Variants in MACROD2 observed in about 807,000 individuals in gnomAD.
The protein encoded by MACROD2 is ADP-ribose glycohydrolase MACROD2.
In MACROD2, 36 loss-of-function variants were observed where a neutral mutation model predicts 70.4. That is an observed-to-expected ratio of 0.51 (90% CI 0.39 to 0.68). The LOEUF is 0.68. MACROD2 is among the 30% of genes least tolerant of loss of function. The pLI is 0.00. For synonymous variants in MACROD2, 172 were observed against 178.8 expected (o/e 0.96, Z 0.30); for missense variants, 496 against 538.4 (o/e 0.92, Z 0.78).
chr20:14,322,834 T>A (rs890090759), intron 3 of MACROD2, among the ~76,000 whole-genome samples: 2 of 152,112 alleles, frequency 1.3e-5, no homozygotes, highest in Non-Finnish European at 2.9e-5. Flanking sequence ...ATCGTGTCAT[T>A]TAATCCTCAC....
intron 8 of MACROD2, among the ~76,000 whole-genome samples, chr20:15,556,369 A>C (rs1045896403): frequency 1.3e-5 from 2 of 152,200 alleles, no homozygotes; most frequent in African/African-American, 4.8e-5. Flanking sequence ...CTCTTGATTT[A>C]TACTAAGACA....
At chr20:15,678,963 G>A (rs550530239) in intron 8 of MACROD2, among the ~76,000 whole-genome samples, 18 of 152,278 alleles carry the variant, frequency 1.2e-4, no homozygotes, top group Admixed American at 9.8e-4. Context: ...CAGGCTGGGT[G>A]CGGTGGCTCA....
chr20:15,378,073 T>C (rs1377076016), intron 6 of MACROD2, among the ~76,000 whole-genome samples: 3 of 151,690 alleles, frequency 2.0e-5, no homozygotes, highest in African/African-American at 7.3e-5. Context: ...CAAACCACCA[T>C]GGCACGTGTA....
chr20:15,502,731 T>A (rs2047379861), intron 8 of MACROD2, among the ~76,000 whole-genome samples: 1 of 152,122 alleles, frequency 6.6e-6, no homozygotes, highest in African/African-American at 2.4e-5. Flanking sequence ...CCAATAGGAC[T>A]AGAGGATTGT....
chr20:15,479,776 A>C (rs952922382), intron 7 of MACROD2, among the ~76,000 whole-genome samples: 1 of 152,098 alleles, frequency 6.6e-6, no homozygotes, highest in Non-Finnish European at 1.5e-5. Context: ...TTTATTTTTC[A>C]CACCAGCTGC....
chr20:14,327,231 G>A (rs1417023856), intron 3 of MACROD2: 3 of 1,613,680 alleles, frequency 1.9e-6, no homozygotes, highest in Admixed American at 3.3e-5. Flanking sequence ...CTAAACTGTT[G>A]TGGTATAGGT....
At chr20:14,541,777 A>G (rs2085436380) in intron 4 of MACROD2, among the ~76,000 whole-genome samples, 2 of 152,196 alleles carry the variant, frequency 1.3e-5, no homozygotes, top group South Asian at 4.1e-4. Flanking sequence ...TTTATCTGTT[A>G]TAATAGCATA....
intron 5 of MACROD2, among the ~76,000 whole-genome samples, chr20:15,090,485 T>G (rs1354728614): frequency 6.6e-6 from 1 of 152,050 alleles, no homozygotes; most frequent in African/African-American, 2.4e-5. Context: ...ACACTACAAA[T>G]CTAATTTCAT....
intron 5 of MACROD2, among the ~76,000 whole-genome samples, chr20:14,954,763 T>TATATAAATGTATAAATAAA (rs1267489369): frequency 2.1e-5 from 1 of 48,610 alleles, no homozygotes; most frequent in South Asian, 4.8e-4. Context: ...TATAAATAAA[T>TATATAAATGTATAAATAAA]TTTATATAAC....
intron 4 of MACROD2, among the ~76,000 whole-genome samples, chr20:14,680,294 T>G (rs954883436): frequency 6.6e-6 from 1 of 152,168 alleles, no homozygotes. Flanking sequence ...TGTAAATAAC[T>G]GAGAAAATAA....
At chr20:15,478,804 G>T (rs903679172) in intron 7 of MACROD2, among the ~76,000 whole-genome samples, 3 of 152,106 alleles carry the variant, frequency 2.0e-5, no homozygotes, top group Non-Finnish European at 4.4e-5. Context: ...GCTATTCCTT[G>T]GAAAGATTCA....
At chr20:15,891,938 G>A (rs768493770) in intron 10 of MACROD2, among the ~76,000 whole-genome samples, 1 of 152,172 alleles carries the variant, frequency 6.6e-6, no homozygotes, top group Non-Finnish European at 1.5e-5. Flanking sequence ...AAGGGACAAT[G>A]GGAAGGAGGT....
chr20:15,757,671 G>A (rs2051367775), intron 8 of MACROD2, among the ~76,000 whole-genome samples: 6 of 152,150 alleles, frequency 3.9e-5, no homozygotes, highest in Admixed American at 3.3e-4. Context: ...AGGCTGGGAA[G>A]TCCAAGAGCA....
intron 3 of MACROD2, among the ~76,000 whole-genome samples, chr20:14,151,982 C>T (rs544732328): frequency 5.3e-5 from 8 of 151,848 alleles, no homozygotes; most frequent in Non-Finnish European, 1.0e-4. Context: ...CCACCACGCC[C>T]GGCTAATATT....
intron 3 of MACROD2, among the ~76,000 whole-genome samples, chr20:14,345,851 C>T (rs540535261): frequency 2.0e-5 from 3 of 151,894 alleles, no homozygotes; most frequent in South Asian, 2.1e-4. Flanking sequence ...CCTGTTATCC[C>T]AGCACTTTGA....
intron 5 of MACROD2, among the ~76,000 whole-genome samples, chr20:15,032,310 C>T (rs1356669227): frequency 6.6e-6 from 1 of 152,252 alleles, no homozygotes; most frequent in East Asian, 1.9e-4. Flanking sequence ...GAGTGGGCCT[C>T]TGGCCTGCTC....
intron 3 of MACROD2, among the ~76,000 whole-genome samples, chr20:14,241,598 T>C (rs984518483): frequency 1.9e-4 from 29 of 152,082 alleles, no homozygotes; most frequent in African/African-American, 7.0e-4. Context: ...CCACCACCTT[T>C]AGTAAAGGTA....
chr20:14,215,106 CTATTCCATCATA>C (rs2081605766), intron 3 of MACROD2, among the ~76,000 whole-genome samples: 1 of 5,150 alleles, frequency 1.9e-4, no homozygotes, highest in Admixed American at 2.2e-3. Context: ...TCATATATAT[CTATTCCATCATA>C]TATATATTCC....
intron 3 of MACROD2, among the ~76,000 whole-genome samples, chr20:14,390,583 A>G (rs2083516101): frequency 6.6e-6 from 1 of 152,192 alleles, no homozygotes; most frequent in Admixed American, 6.5e-5. Flanking sequence ...ACCCAGAGAT[A>G]AGACCACACA....
Sources: allele counts gnomAD v4.1 joint callset (sites outside exome capture counted in the v4.1 genomes callset), GRCh38; gene constraint gnomAD v4.1.1; transcripts MANE v1.5; gene names NCBI Gene and HGNC (gene_info 2026-07-23, HGNC 2026-07-21).